ATP6V0A4: variants seen among roughly 807,000 people sequenced by gnomAD.
ATP6V0A4 encodes ATPase H+ transporting V0 subunit a4, also known as V-type proton ATPase 116 kDa subunit a 4.
In ATP6V0A4, 86 loss-of-function variants were observed where a neutral mutation model predicts 107.3. That is an observed-to-expected ratio of 0.80 (90% CI 0.67 to 0.96). The LOEUF (loss-of-function observed/expected upper bound fraction) is 0.96, where lower values mean the gene tolerates loss of function less well. Among genes scored for constraint, ATP6V0A4 ranks in the 40% least tolerant of loss-of-function variants. The probability of loss-of-function intolerance (pLI) is 0.00; values close to 1 mark genes in which losing one functional copy is unlikely to be tolerated. For synonymous variants in ATP6V0A4, 353 were observed against 381.4 expected, an observed-to-expected ratio of 0.93 and a Z score of 0.87; for missense variants, 908 against 1,045.6, an observed-to-expected ratio of 0.87 and a Z score of 1.81.
At chr7:138,726,205 G>A (rs1407848611) in intron 18 of ATP6V0A4, among the ~76,000 whole-genome samples, 1 of 151,976 alleles carries the variant, frequency 6.6e-6, no homozygotes, top group African/African-American at 2.4e-5. Context: ...TAGCCAGGAT[G>A]GTCTCGATCT....
intron 5 of ATP6V0A4, among the ~76,000 whole-genome samples, chr7:138,763,606 C>T (rs1051400756): frequency 7.3e-5 from 11 of 151,498 alleles, no homozygotes; most frequent in African/African-American, 1.7e-4. Context: ...CTAGCCTGGG[C>T]GACAGAGCAA....
At chr7:138,707,346 TTATA>T (rs1803487067) in intron 21 of ATP6V0A4, among the ~76,000 whole-genome samples, 1 of 102,164 alleles carries the variant, frequency 9.8e-6, no homozygotes, top group East Asian at 2.4e-4. Context: ...AATATATATA[TTATA>T]ATATATATTA....
chr7:138,747,594 G>A (rs749157976), intron 12 of ATP6V0A4, 30 bp from the exon 13 acceptor site: 41 of 1,612,088 alleles, frequency 2.5e-5, no homozygotes, highest in Non-Finnish European at 3.5e-5. Context: ...AACGCCTGAG[G>A]CCTCAGCACA....
chr7:138,772,735 C>T (rs185904926), intron 2 of ATP6V0A4, among the ~76,000 whole-genome samples: 54 of 152,292 alleles, frequency 3.5e-4, no homozygotes, highest in African/African-American at 1.2e-3. Flanking sequence ...GAACGGAGCC[C>T]TGGTCATCAG....
intron 14 of ATP6V0A4, among the ~76,000 whole-genome samples, chr7:138,739,996 A>C (rs1404337090): frequency 6.6e-6 from 1 of 150,764 alleles, no homozygotes; most frequent in East Asian, 2.0e-4. Context: ...TGGGAGGCTG[A>C]GGCAGGAGGA....
chr7:138,726,200 A>G (rs1301879209), intron 18 of ATP6V0A4, among the ~76,000 whole-genome samples: 1 of 151,998 alleles, frequency 6.6e-6, no homozygotes, highest in East Asian at 2.0e-4. Context: ...CGTGTTAGCC[A>G]GGATGGTCTC....
Position 138,798,114 on chromosome 7 carries a change from C to T in ATP6V0A4, c.-201G>A. 2 of 1,598,908 alleles carry T rather than the reference C, an allele frequency of 1.3e-6. No individual in the cohort carries two copies. The highest frequency in any genetic ancestry group is 1.7e-6 in the Non-Finnish European group (2 of 1,173,382). On this transcript the variant is annotated 5_prime_UTR_variant, in exon 1 of 22. Transcript: ENST00000310018. Reference sequence around the variant, plus strand: ...CAGCACAGCCTCCAGCATGCAGCGCCTCCCCGCTGCCACCCGGGCCACCCT... The same window carrying T: ...CAGCACAGCCTCCAGCATGCAGCGCTTCCCCGCTGCCACCCGGGCCACCCT...
intron 12 of ATP6V0A4, 33 bp downstream of exon 12, chr7:138,749,134 G>A: frequency 6.2e-7 from 1 of 1,612,910 alleles, no homozygotes; most frequent in East Asian, 2.2e-5. Flanking sequence ...TCACTTTCAA[G>A]CTACCCAGTC....
chr7:138,729,013 G>A, intron 17 of ATP6V0A4, 151 bp from the exon 18 acceptor site: 1 of 1,461,532 alleles, frequency 6.8e-7, no homozygotes, highest in Non-Finnish European at 9.3e-7. Flanking sequence ...TTCACGCCTG[G>A]AATATTCCCC....
At chr7:138,741,357 T>C (rs189153590) in intron 14 of ATP6V0A4, among the ~76,000 whole-genome samples, 285 of 152,214 alleles carry the variant, frequency 1.9e-3, no homozygotes, top group African/African-American at 6.6e-3. Context: ...TGCCCAGACG[T>C]GACCCCCATC....
At chr7:138,764,546 T>C (rs191190077) in intron 5 of ATP6V0A4, among the ~76,000 whole-genome samples, 4 of 152,298 alleles carry the variant, frequency 2.6e-5, no homozygotes, top group Non-Finnish European at 4.4e-5. Context: ...TTAGTGAATA[T>C]GTGCCTTGAA....
At chr7:138,794,765 A>G (rs1049216781) in intron 1 of ATP6V0A4, among the ~76,000 whole-genome samples, 8 of 152,202 alleles carry the variant, frequency 5.3e-5, no homozygotes, top group Non-Finnish European at 1.0e-4. Context: ...GAAATGGGCC[A>G]CATGGAGTTG....
At chr7:138,711,463 C>A (rs2117182079) in intron 20 of ATP6V0A4, among the ~76,000 whole-genome samples, 1 of 152,280 alleles carries the variant, frequency 6.6e-6, no homozygotes, top group Non-Finnish European at 1.5e-5. Flanking sequence ...ACATCCTTGG[C>A]TTGAGATTTG....
At chr7:138,763,166 GACAC>G in intron 5 of ATP6V0A4, 141 bp from the exon 6 acceptor site, 2 of 571,530 alleles carry the variant, frequency 3.5e-6, no homozygotes, top group Non-Finnish European at 5.9e-6. Flanking sequence ...CATACACACA[GACAC>G]ACACAGACAC....
chr7:138,718,676 CGGGGGG>C (rs551633118), intron 19 of ATP6V0A4, among the ~76,000 whole-genome samples: 196 of 4,730 alleles, frequency 0.041, 32 homozygotes, highest in Middle Eastern at 0.2. Context: ...GAATTCGGGG[CGGGGGG>C]GGGGGGTGCA....
At chr7:138,767,680 C>T (rs1231195906) in intron 5 of ATP6V0A4, among the ~76,000 whole-genome samples, 1 of 151,502 alleles carries the variant, frequency 6.6e-6, no homozygotes, top group Non-Finnish European at 1.5e-5. Context: ...AGAAAAGGCT[C>T]AGCTAGGTGA....
In ATP6V0A4 at chr7:138,706,715, A is replaced by G. The variant is rs1279204387; in HGVS notation, c.2432T>C (p.Val811Ala). 1 of 1,613,170 alleles carries G rather than the reference A, an allele frequency of 6.2e-7. No homozygotes were observed. The highest frequency in any genetic ancestry group is 8.5e-7 in the Non-Finnish European group (1 of 1,179,702). The change falls in exon 22 of 22, where the codon GTT becomes GCT. Residue 811 changes from valine to alanine, a missense_variant and splice_region_variant. Transcript: ENST00000310018. ...AFLHALRLHW[V>A]EFQNKFYVGD... ...GACATAGAACTTGTTCTGGAACTCA[A>G]CCCTGTTGTTGAGGGGAGGCCGTGG...
intron 18 of ATP6V0A4, among the ~76,000 whole-genome samples, chr7:138,724,188 T>TAAAA (rs1804586890): frequency 2.0e-5 from 1 of 49,940 alleles, no homozygotes; most frequent in African/African-American, 1.1e-4. Flanking sequence ...AGACTCTGCC[T>TAAAA]CAAAAAAAAA....
intron 10 of ATP6V0A4, among the ~76,000 whole-genome samples, chr7:138,753,168 G>A (rs2117292395): frequency 6.6e-6 from 1 of 152,278 alleles, no homozygotes; most frequent in Admixed American, 6.5e-5. Context: ...ATGGAATCAG[G>A]TTAAGAAGAG....
Sources: gnomAD v4.1 joint callset for allele counts (sites outside exome capture counted in the v4.1 genomes callset) on GRCh38, gnomAD v4.1.1 for gene constraint, MANE v1.5 for transcripts, NCBI Gene and HGNC (gene_info 2026-07-23, HGNC 2026-07-21) for gene names.